The following PRKCA variants were observed in gnomAD, a reference collection of about 807,000 sequenced individuals.
The protein encoded by PRKCA is protein kinase C alpha.
Under a neutral mutation model 87.0 loss-of-function variants are expected in PRKCA, and 27 were observed. The observed-to-expected ratio is 0.31, with a 90% CI of 0.23 to 0.43. PRKCA has a LOEUF of 0.43. PRKCA is among the 20% of genes least tolerant of loss of function. The probability of loss-of-function intolerance (pLI) is 1.00; values close to 1 mark genes in which losing one functional copy is unlikely to be tolerated. For missense variants in PRKCA, 518 were observed against 852.3 expected (o/e 0.61, Z 4.88); for synonymous variants, 329 against 311.1 (o/e 1.06, Z -0.61).
chr17:66,536,789 C>A (rs1967802365), intron 3 of PRKCA, among the ~76,000 whole-genome samples: 1 of 152,226 alleles, frequency 6.6e-6, no homozygotes, highest in Non-Finnish European at 1.5e-5. Context: ...GTGACAGATT[C>A]CTGTGGATTC....
intron 2 of PRKCA, among the ~76,000 whole-genome samples, chr17:66,447,338 C>G (rs1914083790): frequency 6.6e-6 from 1 of 152,112 alleles, no homozygotes; most frequent in African/African-American, 2.4e-5. Context: ...GCGACTTTGG[C>G]TGGTCGGGGA....
chr17:66,681,342 A>T (rs1373533658), intron 5 of PRKCA, among the ~76,000 whole-genome samples: 2 of 152,070 alleles, frequency 1.3e-5, no homozygotes, highest in Admixed American at 6.5e-5. Flanking sequence ...TTAATTGCAA[A>T]TTACTTTGGA....
At chr17:66,427,036 T>A (rs1177351976) in intron 2 of PRKCA, among the ~76,000 whole-genome samples, 1 of 152,038 alleles carries the variant, frequency 6.6e-6, no homozygotes, top group African/African-American at 2.4e-5. Flanking sequence ...AAAAAAAAAT[T>A]TTTTTTTTAA....
intron 14 of PRKCA, among the ~76,000 whole-genome samples, chr17:66,785,471 G>A (rs532530349): frequency 6.6e-6 from 1 of 152,282 alleles, no homozygotes; most frequent in South Asian, 2.1e-4. Flanking sequence ...TTAAACAAGA[G>A]GATTCTGTAC....
At chr17:66,479,685 C>T (rs144365980) in intron 2 of PRKCA, among the ~76,000 whole-genome samples, 92 of 152,234 alleles carry the variant, frequency 6.0e-4, no homozygotes, top group African/African-American at 2.1e-3. Context: ...TAAAAAGGAA[C>T]GAGATCATGT....
intron 2 of PRKCA, among the ~76,000 whole-genome samples, chr17:66,331,815 T>A (rs1182335575): frequency 2.0e-5 from 3 of 152,226 alleles, no homozygotes; most frequent in African/African-American, 4.8e-5. Context: ...GCCCCATCTG[T>A]ATTATCTTTG....
chr17:66,406,852 A>G (rs529978063), intron 2 of PRKCA, among the ~76,000 whole-genome samples: 1 of 151,892 alleles, frequency 6.6e-6, no homozygotes, highest in Non-Finnish European at 1.5e-5. Context: ...GAGTTTTACC[A>G]CACCTGGAGA....
chr17:66,678,848 G>T (rs867656852), intron 5 of PRKCA, among the ~76,000 whole-genome samples: 3 of 152,058 alleles, frequency 2.0e-5, no homozygotes, highest in African/African-American at 7.2e-5. Context: ...CTCTACATCG[G>T]TGCAGATTTA....
chr17:66,675,743 C>A (rs960011537), intron 5 of PRKCA, among the ~76,000 whole-genome samples: 36 of 152,098 alleles, frequency 2.4e-4, no homozygotes, highest in African/African-American at 8.7e-4. Flanking sequence ...CACTTCCCAA[C>A]CCCCTCTCCT....
intron 3 of PRKCA, among the ~76,000 whole-genome samples, chr17:66,629,211 T>A (rs1351856298): frequency 6.6e-6 from 1 of 152,176 alleles, no homozygotes. Flanking sequence ...GCCTCCTCTG[T>A]GTGTTTAATA....
At chr17:66,342,301 C>T (rs1907082244) in intron 2 of PRKCA, among the ~76,000 whole-genome samples, 1 of 152,000 alleles carries the variant, frequency 6.6e-6, no homozygotes, top group East Asian at 1.9e-4. Context: ...GCATGCCTGT[C>T]ATCCCAGCTA....
chr17:66,382,448 G>A (rs936749560), intron 2 of PRKCA, among the ~76,000 whole-genome samples: 2 of 151,982 alleles, frequency 1.3e-5, no homozygotes, highest in Non-Finnish European at 2.9e-5. Context: ...CTACAGGCGC[G>A]TGCCACCATG....
chr17:66,742,308 C>G (rs61761549), intron 12 of PRKCA, among the ~76,000 whole-genome samples: 2,981 of 152,286 alleles, frequency 0.02, 43 homozygotes, highest in Non-Finnish European at 0.03. Context: ...ATGAATAAAT[C>G]AAATGATTGA....
chr17:66,611,858 A>G (rs754995072), intron 3 of PRKCA, among the ~76,000 whole-genome samples: 40 of 152,158 alleles, frequency 2.6e-4, no homozygotes, highest in Admixed American at 2.5e-3. Context: ...GATTCTAGCC[A>G]TCCTCATGGA....
At chr17:66,658,044 G>A (rs1317139641) in intron 5 of PRKCA, among the ~76,000 whole-genome samples, 1 of 152,180 alleles carries the variant, frequency 6.6e-6, no homozygotes, top group East Asian at 1.9e-4. Flanking sequence ...AGGTTTAATT[G>A]ACTCACAGTT....
At chr17:66,660,775 G>T (rs1385596561) in intron 5 of PRKCA, among the ~76,000 whole-genome samples, 1 of 152,016 alleles carries the variant, frequency 6.6e-6, no homozygotes, top group Non-Finnish European at 1.5e-5. Context: ...CGGGTGTGGT[G>T]GCGGGCGCCT....
chr17:66,636,425 AT>A (rs1567946239), intron 3 of PRKCA, among the ~76,000 whole-genome samples: 1 of 152,342 alleles, frequency 6.6e-6, no homozygotes, highest in East Asian at 1.9e-4. Flanking sequence ...CACTCAGGGC[AT>A]TTGCCAAGAG....
At chr17:66,470,018 C>G (rs1598699452) in intron 2 of PRKCA, among the ~76,000 whole-genome samples, 1 of 152,080 alleles carries the variant, frequency 6.6e-6, no homozygotes, top group South Asian at 2.1e-4. Context: ...CAATATGTGT[C>G]CGTTGTGGCA....
At chr17:66,784,724 C>T (rs1017799359) in intron 14 of PRKCA, among the ~76,000 whole-genome samples, 1 of 152,240 alleles carries the variant, frequency 6.6e-6, no homozygotes, top group Admixed American at 6.5e-5. Context: ...ATGACCTGCA[C>T]TGTAGCTCCG....
Sources: gnomAD v4.1 joint callset for allele counts (sites outside exome capture counted in the v4.1 genomes callset) on GRCh38, gnomAD v4.1.1 for gene constraint, MANE v1.5 for transcripts, NCBI Gene and HGNC (gene_info 2026-07-23, HGNC 2026-07-21) for gene names.